USP47: variants seen among roughly 807,000 people sequenced by gnomAD.
The protein encoded by USP47 is ubiquitin specific peptidase 47, also known as ubiquitin carboxyl-terminal hydrolase 47.
In USP47, 35 loss-of-function variants were observed where a neutral mutation model predicts 165.1. The observed-to-expected ratio is 0.21, with a 90% CI of 0.16 to 0.28. The LOEUF (loss-of-function observed/expected upper bound fraction) is 0.28. Ranked by LOEUF, USP47 falls within the 10% of genes least tolerant of loss-of-function variation. The pLI is 1.00. For synonymous variants in USP47, 531 were observed against 544.5 expected (o/e 0.98, Z 0.35); for missense variants, 1,277 against 1,607.4 (o/e 0.79, Z 3.52).
intron 1 of USP47, among the ~76,000 whole-genome samples, chr11:11,853,347 G>A (rs1848832912): frequency 6.6e-6 from 1 of 152,148 alleles, no homozygotes; most frequent in Non-Finnish European, 1.5e-5. Context: ...GATATGCAGA[G>A]GCATATTCTG....
chr11:11,871,501 CAAAAAAAAA>C (rs71037046), intron 1 of USP47, among the ~76,000 whole-genome samples: 87 of 63,116 alleles, frequency 1.4e-3, no homozygotes, highest in African/African-American at 2.8e-3. Flanking sequence ...AACTCCCTCT[CAAAAAAAAA>C]AAAAAAAAAA....
chr11:11,930,888 A>G lies in USP47; in HGVS notation c.1651+137A>G. ...ATGCCTGGAAGAATTATTTACAAAG[A>G]CTGTTACAAAATAATACCAAATGTT... On this transcript the variant is annotated intron_variant, in intron 14 of 27. Transcript: ENST00000527733. The G allele has an allele frequency of 4.7e-6, 3 of 636,288 alleles. No homozygotes were observed. In the South Asian group the frequency reaches 6.9e-5, roughly 15 times the overall value. The allele number at this position is 636,288 out of a possible 1,614,324, so 39.4% of individuals were successfully genotyped here. A position where few individuals can be genotyped will look rare whatever the true frequency, so the allele number is the denominator to read the frequency against.
chr11:11,959,071 C>A lies in USP47; in HGVS notation c.*2896C>A, dbSNP rs1847341630. Reference sequence around the variant, plus strand: ...TGGTTTAAGCTAAATGACCGCACAGCATCATAGCATTGCAGTGTTGTTACT... The same window carrying A: ...TGGTTTAAGCTAAATGACCGCACAGAATCATAGCATTGCAGTGTTGTTACT... On this transcript the variant is annotated 3_prime_UTR_variant, in exon 28 of 28. Coordinates refer to ENST00000527733, the MANE Select transcript of USP47 (RefSeq NM_001282659.2). 6.6e-6 allele frequency: 1 copy of A among 152,196 alleles called. No individual in the cohort carries two copies. The highest frequency in any genetic ancestry group is 2.1e-4 in the South Asian group (1 of 4,828). The allele number at this position is 152,196 out of a possible 1,614,324, so 9.4% of individuals were successfully genotyped here.
At chr11:11,918,197 TA>T (rs1853569273) in intron 8 of USP47, among the ~76,000 whole-genome samples, 1 of 152,110 alleles carries the variant, frequency 6.6e-6, no homozygotes, top group African/African-American at 2.4e-5. Flanking sequence ...AAGGAATGTA[TA>T]AATCTAATAA....
intron 19 of USP47, 90 bp downstream of exon 19, chr11:11,940,638 G>C: frequency 7.4e-7 from 1 of 1,357,592 alleles, no homozygotes; most frequent in Non-Finnish European, 1.0e-6. Context: ...CTCCACAGCT[G>C]TTCAACATCT....
chr11:11,842,701 C>CT (rs1348592953), intron 1 of USP47, among the ~76,000 whole-genome samples: 2 of 152,114 alleles, frequency 1.3e-5, no homozygotes, highest in African/African-American at 4.8e-5. Context: ...ACTGTTACGA[C>CT]TTTTTTCAAC....
chr11:11,888,206 C>T (rs1028152717), intron 3 of USP47, among the ~76,000 whole-genome samples: 61 of 151,834 alleles, frequency 4.0e-4, no homozygotes, highest in African/African-American at 1.4e-3. Context: ...CAAGAAATAA[C>T]CAAAATCAGC....
rs1403495598 is a variant in USP47, at chr11:11,920,246, C to T, written c.1060C>T (p.Arg354Trp). 8.7e-6 allele frequency: 14 copies of T among 1,608,978 alleles called. No individual in the cohort carries two copies. Among genetic ancestry groups the T allele is most frequent in the African/African-American group, 1.3e-5 (1 of 74,624 alleles). ...ACGTTGTAAGAAGAAGTGTGATGCA[C>T]GGAAGGTAAATGCCATGTAGAGATT... ...CERCKKKCDA[R>W]KGLRFLHFPY... Residue 354 changes from arginine to tryptophan, a missense_variant, in exon 9 of 28, where the codon CGG becomes TGG. Arg to Trp is a moderately radical substitution (Grantham distance 101). Around this residue, in one of 4 missense-constraint regions of USP47, gnomAD observed 175 missense variants for 295.8 expected, o/e 0.59. Transcript: ENST00000527733.
chr11:11,885,729 G>A (rs1851116976), intron 3 of USP47, among the ~76,000 whole-genome samples: 2 of 152,156 alleles, frequency 1.3e-5, no homozygotes, highest in Admixed American at 1.3e-4. Context: ...AGGGATCCAA[G>A]CAGCATTGTT....
chr11:11,857,216 T>C (rs976060328), intron 1 of USP47, among the ~76,000 whole-genome samples: 4 of 152,124 alleles, frequency 2.6e-5, no homozygotes, highest in African/African-American at 9.7e-5. Context: ...TATCAATGAA[T>C]TTATATACAT....
At chr11:11,864,909 A>G (rs1259626988) in intron 1 of USP47, among the ~76,000 whole-genome samples, 1 of 152,024 alleles carries the variant, frequency 6.6e-6, no homozygotes, top group Non-Finnish European at 1.5e-5. Context: ...CCTGAAGGAT[A>G]TTTTCACTGG....
At chr11:11,850,575 A>G (rs1419368219) in intron 1 of USP47, among the ~76,000 whole-genome samples, 1 of 148,800 alleles carries the variant, frequency 6.7e-6, no homozygotes, top group African/African-American at 2.5e-5. Context: ...CTTTCCTTAG[A>G]TGTCTCATGA....
Position 11,922,611 on chromosome 11 carries a change from T to G in USP47, c.1219-113T>G, listed in dbSNP as rs889911424. The G allele has an allele frequency of 1.1e-5, 9 of 795,344 alleles. No homozygotes were observed. The Admixed American group carries it at 1.6e-4, about 14-fold the overall frequency. The allele number at this position is 795,344 out of a possible 1,614,324, so 49.3% of individuals were successfully genotyped here. A position where few individuals can be genotyped will look rare whatever the true frequency, so the allele number is the denominator to read the frequency against. On this transcript the variant is annotated intron_variant, in intron 10 of 27. Transcript: ENST00000527733. ...ATAAATGTACTCAAAGTAAAATATT[T>G]TTACTAATATGTTAAATTGTGTGAA...
At chr11:11,929,303 G>T in intron 11 of USP47, 131 bp from the exon 12 acceptor site, 1 of 1,278,452 alleles carries the variant, frequency 7.8e-7, no homozygotes. Context: ...TTACCTTAGG[G>T]GAAAGTTGAC....
At chr11:11,894,092 A>T (rs1851705853) in intron 4 of USP47, among the ~76,000 whole-genome samples, 1 of 152,180 alleles carries the variant, frequency 6.6e-6, no homozygotes. Flanking sequence ...ACTGTTTCCC[A>T]TTACACTATC....
intron 2 of USP47, among the ~76,000 whole-genome samples, chr11:11,881,455 C>A (rs7108356): frequency 0.054 from 8,255 of 152,154 alleles, 588 homozygotes; most frequent in African/African-American, 0.16. Context: ...TGTTTCCTGG[C>A]CTCTATGTCT....
chr11:11,914,686 A>G (rs1479576262), intron 8 of USP47, among the ~76,000 whole-genome samples: 1 of 152,214 alleles, frequency 6.6e-6, no homozygotes, highest in Non-Finnish European at 1.5e-5. Context: ...AGAAAAATTC[A>G]TCTAGACAAT....
In USP47 at chr11:11,948,075, C is replaced by T. The variant is rs1466674399; in HGVS notation, c.3222C>T (p.Ser1074=). ...ATGCCAGCAATCAAGAGTTTGAGAG[C>T]GTCCGGCTGAATGAGACACTTTCAT... ...RVYASNQEFE[S]VRLNETLSSF... Residue 1074 remains serine (S), a synonymous_variant, in exon 21 of 28, where the codon AGC becomes AGT. Transcript: ENST00000527733. 4.3e-6 allele frequency: 7 copies of T among 1,612,756 alleles called. No homozygotes were observed. The highest frequency in any genetic ancestry group is 5.1e-6 in the Non-Finnish European group (6 of 1,179,574).
At chr11:11,935,123 T>G (rs1854960151) in intron 16 of USP47, among the ~76,000 whole-genome samples, 3 of 152,120 alleles carry the variant, frequency 2.0e-5, no homozygotes, top group Admixed American at 2.0e-4. Context: ...TAGTCAAGTT[T>G]GAGAATCACT....
Sources: allele counts gnomAD v4.1 joint callset (sites outside exome capture counted in the v4.1 genomes callset), GRCh38; gene constraint gnomAD v4.1.1; regional missense constraint gnomAD v4.1.1; transcripts MANE v1.5; gene names NCBI Gene and HGNC (gene_info 2026-07-23, HGNC 2026-07-21).